Variants in PPP3CA observed in about 807,000 individuals in gnomAD.
PPP3CA encodes the protein CAM-PRP catalytic subunit.
A neutral mutation model predicts 66.5 loss-of-function variants in PPP3CA; 14 were observed. The observed-to-expected ratio is 0.21, with a 90% CI of 0.14 to 0.33. The LOEUF is 0.33. Among genes scored for constraint, PPP3CA ranks in the 10% least tolerant of loss-of-function variants. The pLI is 1.00. For synonymous variants in PPP3CA, 232 were observed against 226.2 expected (o/e 1.03, Z -0.23); for missense variants, 317 against 639.5 (o/e 0.50, Z 5.44).
chr4:101,267,376 G>C (rs1486512513), intron 1 of PPP3CA, among the ~76,000 whole-genome samples: 1 of 152,056 alleles, frequency 6.6e-6, no homozygotes, highest in African/African-American at 2.4e-5. Context: ...ATTTCTCAGG[G>C]CCTATGATAC....
At chr4:101,194,964 C>T (rs891595542) in intron 2 of PPP3CA, among the ~76,000 whole-genome samples, 26 of 151,812 alleles carry the variant, frequency 1.7e-4, no homozygotes, top group African/African-American at 6.3e-4. Context: ...AAAACTAAAA[C>T]ACGAAAAATA....
intron 2 of PPP3CA, among the ~76,000 whole-genome samples, chr4:101,144,387 T>G (rs1390478097): frequency 1.3e-5 from 2 of 152,146 alleles, no homozygotes; most frequent in Non-Finnish European, 2.9e-5. Flanking sequence ...AAAATAGTAT[T>G]GCAAATATAT....
At chr4:101,161,901 A>C (rs1560634159) in intron 2 of PPP3CA, among the ~76,000 whole-genome samples, 1 of 152,154 alleles carries the variant, frequency 6.6e-6, no homozygotes, top group African/African-American at 2.4e-5. Context: ...CTATATATAC[A>C]TTCTATAGAA....
At chr4:101,041,968 G>A (rs1183571158) in intron 10 of PPP3CA, among the ~76,000 whole-genome samples, 3 of 152,056 alleles carry the variant, frequency 2.0e-5, no homozygotes, top group African/African-American at 7.2e-5. Flanking sequence ...ATGTGTTTTG[G>A]TCTTTTATTA....
At chr4:101,054,546 A>G (rs1728145218) in intron 10 of PPP3CA, among the ~76,000 whole-genome samples, 1 of 151,216 alleles carries the variant, frequency 6.6e-6, no homozygotes, top group Non-Finnish European at 1.5e-5. Flanking sequence ...AAAATAATAT[A>G]TTCATACCCT....
intron 10 of PPP3CA, among the ~76,000 whole-genome samples, chr4:101,044,743 C>T (rs1021963070): frequency 6.6e-6 from 1 of 152,110 alleles, no homozygotes; most frequent in Non-Finnish European, 1.5e-5. Flanking sequence ...TTTTCCTCAA[C>T]ATGGGGGAGG....
intron 7 of PPP3CA, among the ~76,000 whole-genome samples, chr4:101,081,780 C>A (rs1729450747): frequency 6.6e-6 from 1 of 152,098 alleles, no homozygotes; most frequent in Admixed American, 6.5e-5. Context: ...AAAATGCCCC[C>A]TTAAAAACCT....
At position 101,098,445 on chromosome 4, in the gene PPP3CA, A is replaced by G. The variant is rs773522688; in HGVS notation, c.564T>C (p.Ala188=). The G allele has an allele frequency of 1.2e-6, 2 of 1,612,672 alleles. No homozygotes were observed. The highest frequency in any genetic ancestry group is 1.7e-6 in the Non-Finnish European group (2 of 1,179,182). Residue 188 remains alanine, a synonymous_variant, in exon 5 of 14, where the codon GCT becomes GCC. Transcript: ENST00000394854. The stretch of plus-strand genomic sequence containing the variant: ...ACAGGAACTGTTGGTTCATCAGGGC[A>G]GCCAGGGGAAGGCAGTCAAAGGCAT... ...CMDAFDCLPL[A]ALMNQQFLCV... is the part of the protein sequence containing the mutation.
chr4:101,168,393 T>C (rs1723761646), intron 2 of PPP3CA, among the ~76,000 whole-genome samples: 1 of 152,108 alleles, frequency 6.6e-6, no homozygotes. Flanking sequence ...ACTAGAAATA[T>C]GAGACTGGAC....
intron 2 of PPP3CA, among the ~76,000 whole-genome samples, chr4:101,153,825 G>C (rs1723220038): frequency 6.6e-6 from 1 of 152,054 alleles, no homozygotes; most frequent in South Asian, 2.1e-4. Flanking sequence ...GAGAACCACT[G>C]TGTGCTCAGG....
intron 2 of PPP3CA, among the ~76,000 whole-genome samples, chr4:101,182,901 T>C (rs929924459): frequency 1.1e-4 from 16 of 152,122 alleles, no homozygotes; most frequent in Admixed American, 6.6e-4. Context: ...CCTGCTGCCA[T>C]CCATGTAAAA....
intron 1 of PPP3CA, among the ~76,000 whole-genome samples, chr4:101,287,444 A>G (rs73835915): frequency 6.6e-6 from 1 of 152,132 alleles, no homozygotes; most frequent in African/African-American, 2.4e-5. Context: ...CTTCTTGACA[A>G]CATTCTTGTT....
intron 1 of PPP3CA, among the ~76,000 whole-genome samples, chr4:101,225,652 A>AT (rs1467822668): frequency 2.3e-4 from 35 of 151,904 alleles, no homozygotes; most frequent in African/African-American, 7.9e-4. Context: ...GTAAACAGAG[A>AT]TTTTCTGGCA....
At chr4:101,294,528 C>T (rs1047928863) in intron 1 of PPP3CA, among the ~76,000 whole-genome samples, 1 of 79,262 alleles carries the variant, frequency 1.3e-5, no homozygotes, top group African/African-American at 6.4e-5. Flanking sequence ...CTTACATGTA[C>T]CTAATTTAAT....
At chr4:101,048,087 G>A (rs1245634359) in intron 10 of PPP3CA, among the ~76,000 whole-genome samples, 1 of 152,020 alleles carries the variant, frequency 6.6e-6, no homozygotes, top group Non-Finnish European at 1.5e-5. Context: ...GTGCCCCAGA[G>A]GTTTTTATAG....
intron 1 of PPP3CA, among the ~76,000 whole-genome samples, chr4:101,340,891 A>G (rs568991545): frequency 3.9e-5 from 6 of 152,210 alleles, no homozygotes; most frequent in African/African-American, 1.4e-4. Flanking sequence ...AAACAGGCTT[A>G]AGACAACATC....
intron 1 of PPP3CA, among the ~76,000 whole-genome samples, chr4:101,288,840 C>G (rs1727927275): frequency 6.6e-6 from 1 of 151,940 alleles, no homozygotes; most frequent in Admixed American, 6.6e-5. Flanking sequence ...ATGTGTTAAC[C>G]CCCTAGAAAA....
intron 1 of PPP3CA, among the ~76,000 whole-genome samples, chr4:101,230,123 C>G (rs1448202670): frequency 1.3e-5 from 2 of 151,588 alleles, no homozygotes. Flanking sequence ...ATCTATTTTG[C>G]AGCAGAATCA....
chr4:101,060,035 T>C (rs1236064270), intron 10 of PPP3CA, among the ~76,000 whole-genome samples: 2 of 152,160 alleles, frequency 1.3e-5, no homozygotes, highest in African/African-American at 4.8e-5. Flanking sequence ...TTATTTTCAA[T>C]CTGAGGTTGT....
Sources: allele counts gnomAD v4.1 joint callset (sites outside exome capture counted in the v4.1 genomes callset), GRCh38; gene constraint gnomAD v4.1.1; transcripts MANE v1.5; gene names NCBI Gene and HGNC (gene_info 2026-07-23, HGNC 2026-07-21).